The following LUZP2 variants were observed in gnomAD, a reference collection of about 807,000 sequenced individuals.
LUZP2 encodes leucine zipper protein 2.
In LUZP2, 52 loss-of-function variants were observed where a neutral mutation model predicts 51.6. The observed-to-expected ratio is 1.01, with a 90% CI of 0.81 to 1.27. The LOEUF (loss-of-function observed/expected upper bound fraction) is 1.27. Among genes scored for constraint, LUZP2 ranks in the 50% most tolerant of loss-of-function variants. The probability of loss-of-function intolerance (pLI) is 0.00; values close to 1 mark genes in which losing one functional copy is unlikely to be tolerated. For missense variants in LUZP2, 436 were observed against 395.4 expected (o/e 1.10, Z -0.87); for synonymous variants, 154 against 137.3 (o/e 1.12, Z -0.85).
chr11:24,571,648 G>T (rs1472152224), intron 1 of LUZP2, among the ~76,000 whole-genome samples: 1 of 151,986 alleles, frequency 6.6e-6, no homozygotes, highest in Non-Finnish European at 1.5e-5. Context: ...TATGGAAAAA[G>T]CAACATGGTC....
chr11:25,056,388 T>A (rs1478127508), intron 10 of LUZP2, among the ~76,000 whole-genome samples: 1 of 152,102 alleles, frequency 6.6e-6, no homozygotes, highest in Non-Finnish European at 1.5e-5. Flanking sequence ...AATTTCAGGA[T>A]TCTATAATTA....
chr11:24,983,705 G>A (rs1190614987), intron 9 of LUZP2, among the ~76,000 whole-genome samples: 1 of 150,690 alleles, frequency 6.6e-6, no homozygotes, highest in Non-Finnish European at 1.5e-5. Context: ...TCTCAACACT[G>A]GCTGCACATT....
At chr11:24,793,199 C>T (rs1307446908) in intron 5 of LUZP2, among the ~76,000 whole-genome samples, 1 of 152,146 alleles carries the variant, frequency 6.6e-6, no homozygotes, top group East Asian at 1.9e-4. Context: ...TGCTGATGAA[C>T]TAACTCTTGT....
chr11:25,033,732 A>G (rs1189578273), intron 9 of LUZP2, among the ~76,000 whole-genome samples: 2 of 152,084 alleles, frequency 1.3e-5, no homozygotes, highest in African/African-American at 2.4e-5. Flanking sequence ...AACTCCACCT[A>G]TGTTGCTACA....
chr11:24,914,333 G>T, intron 6 of LUZP2, 143 bp from the exon 7 acceptor site: 1 of 629,720 alleles, frequency 1.6e-6, no homozygotes, highest in South Asian at 2.0e-5. Context: ...GCAGAGCTAA[G>T]GGTTTCTGCT....
intron 9 of LUZP2, among the ~76,000 whole-genome samples, chr11:25,026,494 A>G (rs1857495829): frequency 6.6e-6 from 1 of 152,020 alleles, no homozygotes; most frequent in African/African-American, 2.4e-5. Context: ...AGTGTAAGAA[A>G]TGTAGGTTAA....
intron 6 of LUZP2, among the ~76,000 whole-genome samples, chr11:24,914,003 A>G (rs950596845): frequency 6.6e-6 from 1 of 152,142 alleles, no homozygotes; most frequent in Non-Finnish European, 1.5e-5. Context: ...CATTCAGCTC[A>G]GCATGTTAGT....
intron 5 of LUZP2, among the ~76,000 whole-genome samples, chr11:24,889,995 A>T (rs1246600113): frequency 3.3e-5 from 5 of 152,246 alleles, no homozygotes; most frequent in Admixed American, 3.3e-4. Context: ...AGAATTGGAC[A>T]GAATAAACAA....
chr11:24,891,844 C>T (rs1852865272), intron 5 of LUZP2: 1 of 983,568 alleles, frequency 1.0e-6, no homozygotes, highest in Non-Finnish European at 1.2e-6. Flanking sequence ...CTGCACTGAA[C>T]ATCTGACTTC....
At chr11:24,950,223 A>G (rs980976027) in intron 7 of LUZP2, among the ~76,000 whole-genome samples, 1 of 149,320 alleles carries the variant, frequency 6.7e-6, no homozygotes, top group African/African-American at 2.5e-5. Context: ...GGTGAGACAA[A>G]TAAATGAATG....
At position 24,649,862 on chromosome 11, in the gene LUZP2, T is replaced by C. The variant is rs1017275163; in HGVS notation, c.63-79307T>C. 2.0e-5 allele frequency among the ~76,000 whole-genome samples: 3 copies of C among 152,006 alleles called. No individual in the cohort carries two copies. In the South Asian group the frequency reaches 6.2e-4, roughly 32 times the overall value. On this transcript the variant is annotated intron_variant, in intron 1 of 11. Coordinates refer to ENST00000336930, the MANE Select transcript of LUZP2 (RefSeq NM_001009909.4). ...TGCTGAAAGCTTGGGCCACTGTCTG[T>C]CCTTCTTCAGAATTAAGTTCATTTA...
At chr11:24,497,404 T>G in intron 1 of LUZP2, 99 bp downstream of exon 1, 1 of 789,218 alleles carries the variant, frequency 1.3e-6, no homozygotes, top group Non-Finnish European at 1.8e-6. Context: ...ACTTCAGCTG[T>G]TTGCATCTCC....
chr11:24,896,870 C>G (rs1853080688), intron 5 of LUZP2, among the ~76,000 whole-genome samples: 1 of 152,208 alleles, frequency 6.6e-6, no homozygotes, highest in Admixed American at 6.5e-5. Flanking sequence ...AATCAGCACT[C>G]TGTATCTAGC....
rs567187465 is a variant in LUZP2, at chr11:25,059,637, A to G, written c.858+9507A>G. On this transcript the variant is annotated intron_variant, in intron 10 of 11. Transcript: ENST00000336930. ...TTTCTGCCTTGAGGGGGAAAAAAGA[A>G]TAAAAGGCATCCTTCAAGGTAAAAG... 3.9e-5 allele frequency among the ~76,000 whole-genome samples: 6 copies of G among 152,306 alleles called. No individual in the cohort carries two copies. The East Asian group carries it at 1.2e-3, about 29-fold the overall frequency.
Position 24,985,783 on chromosome 11 carries a change from C to T in LUZP2, c.765+2490C>T, listed in dbSNP as rs544194267. On this transcript the variant is annotated intron_variant, in intron 9 of 11. Transcript: ENST00000336930. Reference sequence around the variant, plus strand: ...CTGTCATAAAACCAAGTGCCCGTATCCAGTAGATGATTATGTATTTAAATC... The same window carrying T: ...CTGTCATAAAACCAAGTGCCCGTATTCAGTAGATGATTATGTATTTAAATC... Among the ~76,000 whole-genome samples, 4 of 151,688 alleles carry T rather than the reference C, an allele frequency of 2.6e-5. No homozygotes were observed. In the Admixed American group the frequency reaches 2.6e-4, roughly 10 times the overall value.
At chr11:24,892,363 G>T (rs1237939950) in intron 5 of LUZP2, 3 of 985,140 alleles carry the variant, frequency 3.0e-6, no homozygotes, top group African/African-American at 3.5e-5. Flanking sequence ...TGGAGTAGAT[G>T]ACCTAAAAGT....
At chr11:24,897,316 C>T (rs1853101953) in intron 5 of LUZP2, among the ~76,000 whole-genome samples, 1 of 152,202 alleles carries the variant, frequency 6.6e-6, no homozygotes, top group Non-Finnish European at 1.5e-5. Flanking sequence ...CCAGTAGTAG[C>T]AACCCGCCTC....
At chr11:24,746,539 T>G (rs557394365) in intron 4 of LUZP2, among the ~76,000 whole-genome samples, 2 of 152,318 alleles carry the variant, frequency 1.3e-5, no homozygotes, top group Non-Finnish European at 2.9e-5. Flanking sequence ...TAGTCGATGA[T>G]CTTTTTGTGA....
intron 1 of LUZP2, among the ~76,000 whole-genome samples, chr11:24,576,805 C>T (rs1590200826): frequency 6.6e-6 from 1 of 151,918 alleles, no homozygotes; most frequent in Non-Finnish European, 1.5e-5. Context: ...GTGGTAAATG[C>T]ACTTAACCAC....
Sources: gnomAD v4.1 joint callset for allele counts (sites outside exome capture counted in the v4.1 genomes callset) on GRCh38, gnomAD v4.1.1 for gene constraint, MANE v1.5 for transcripts, NCBI Gene and HGNC (gene_info 2026-07-23, HGNC 2026-07-21) for gene names.